Variants in ATP2B4 observed in about 807,000 individuals in gnomAD.
The protein encoded by ATP2B4 is ATPase plasma membrane Ca2+ transporting 4.
Under a neutral mutation model 110.3 loss-of-function variants are expected in ATP2B4, and 39 were observed. The ratio of observed to expected loss-of-function variants is 0.35; its 90% CI spans 0.27 to 0.46. The LOEUF (loss-of-function observed/expected upper bound fraction) is 0.46. Ranked by LOEUF, ATP2B4 falls within the 20% of genes least tolerant of loss-of-function variation. The pLI is 1.00. For synonymous variants in ATP2B4, 538 were observed against 571.7 expected (o/e 0.94, Z 0.84); for missense variants, 1,135 against 1,530.9 (o/e 0.74, Z 4.32).
At chr1:203,729,274 C>T (rs575232397) in intron 20 of ATP2B4, among the ~76,000 whole-genome samples, 12 of 151,060 alleles carry the variant, frequency 7.9e-5, no homozygotes, top group African/African-American at 2.7e-4. Context: ...AGGCCGGGTG[C>T]GGTGGCTCAC....
Position 203,707,883 on chromosome 1 carries a change from C to A in ATP2B4, c.1336C>A (p.Leu446Ile). ...GTAGAAAATGATGAAAGACAATAAC[C>A]TAGTACGGCACTTGGATGCTTGTGA... ...SVKKMMKDNN[L>I]VRHLDACETM... The change falls in exon 10 of 21, where the codon CTA becomes ATA. Residue 446 changes from leucine to isoleucine, a missense_variant. By Grantham distance (5) the Leu-to-Ile change is conservative. Around this residue, in one of 9 missense-constraint regions of ATP2B4, gnomAD observed 368 missense variants for 455.9 expected, o/e 0.81. Coordinates refer to ENST00000357681, the MANE Select transcript of ATP2B4 (RefSeq NM_001684.5). The A allele has an allele frequency of 6.2e-7, 1 of 1,614,144 alleles. No homozygotes were observed. Among genetic ancestry groups the A allele is most frequent in the Non-Finnish European group, 8.5e-7 (1 of 1,180,018 alleles).
At chr1:203,657,835 C>T (rs1558019230) in intron 1 of ATP2B4, 1 of 465,380 alleles carries the variant, frequency 2.1e-6, no homozygotes, top group Non-Finnish European at 3.8e-6. Flanking sequence ...CTCAGAGACT[C>T]CACGCAGGCC....
chr1:203,718,209 A>C (rs1392604967), intron 15 of ATP2B4, among the ~76,000 whole-genome samples: 1 of 151,978 alleles, frequency 6.6e-6, no homozygotes. Flanking sequence ...TTTTAGAAGA[A>C]ATAATAATTT....
intron 20 of ATP2B4, chr1:203,733,104 C>A: frequency 1.1e-6 from 1 of 946,984 alleles, no homozygotes; most frequent in Non-Finnish European, 1.5e-6. Context: ...CTCCTGTCCC[C>A]TTTTCCCATC....
At chr1:203,653,343 G>A (rs572081254) in intron 1 of ATP2B4, among the ~76,000 whole-genome samples, 102 of 152,348 alleles carry the variant, frequency 6.7e-4, no homozygotes, top group Non-Finnish European at 1.1e-3. Flanking sequence ...TCTCCACAAC[G>A]TAAAGGTGAA....
intron 20 of ATP2B4, among the ~76,000 whole-genome samples, chr1:203,736,267 C>A (rs904833082): frequency 1.3e-5 from 2 of 152,130 alleles, no homozygotes; most frequent in African/African-American, 4.8e-5. Flanking sequence ...GAGTTCGAGA[C>A]CAGCCTGGCC....
At chr1:203,642,250 TA>T (rs112746637) in intron 1 of ATP2B4, among the ~76,000 whole-genome samples, 1 of 151,732 alleles carries the variant, frequency 6.6e-6, no homozygotes, top group Non-Finnish European at 1.5e-5. Flanking sequence ...CCCAGCAAAT[TA>T]AAAAAAAATT....
At chr1:203,721,457 T>C (rs1271726528) in intron 17 of ATP2B4, 47 bp downstream of exon 17, 9 of 1,576,158 alleles carry the variant, frequency 5.7e-6, no homozygotes, top group Non-Finnish European at 7.8e-6. Flanking sequence ...TGGTTGGAGG[T>C]GGGGGCAGAG....
At chr1:203,722,074 C>A (rs995940139) in intron 17 of ATP2B4, among the ~76,000 whole-genome samples, 2 of 152,144 alleles carry the variant, frequency 1.3e-5, no homozygotes, top group African/African-American at 4.8e-5. Flanking sequence ...GTCTTACTAC[C>A]ATGCTGCACT....
intron 1 of ATP2B4, among the ~76,000 whole-genome samples, chr1:203,662,185 G>A (rs4611086): frequency 0.72 from 109,029 of 151,956 alleles, 43,500 homozygotes; most frequent in Non-Finnish European, 0.9. Flanking sequence ...CACCACGCCC[G>A]ACTAATTTCT....
chr1:203,699,812 C>A, intron 4 of ATP2B4, 95 bp downstream of exon 4: 1 of 1,531,374 alleles, frequency 6.5e-7, no homozygotes, highest in Non-Finnish European at 8.8e-7. Flanking sequence ...GCTGAAAACC[C>A]AAAAAGATAA....
In ATP2B4 at chr1:203,698,327, T is replaced by A. The variant is rs144377803; in HGVS notation, c.364T>A (p.Tyr122Asn). Residue 122 changes from tyrosine to asparagine, a missense_variant, in exon 3 of 21, where the codon TAT becomes AAT. Tyr to Asn is a moderately radical substitution (Grantham distance 143, BLOSUM62 -2). Transcript: ENST00000357681. ...CATCATCTCCCTGGTCCTGTCCTTT[T>A]ATCGCCCTGCTGGTGAAGAAAATGA... Reference protein sequence around the residue: ...AAIISLVLSFYRPAGEENELC... With the variant: ...AAIISLVLSFNRPAGEENELC... 1 of 1,614,172 alleles carries A rather than the reference T, an allele frequency of 6.2e-7. No homozygotes were observed. The highest frequency in any genetic ancestry group is 2.2e-5 in the East Asian group (1 of 44,884).
intron 20 of ATP2B4, among the ~76,000 whole-genome samples, chr1:203,732,157 CA>C (rs567953858): frequency 0.043 from 2,048 of 48,118 alleles, 27 homozygotes; most frequent in African/African-American, 0.11. Flanking sequence ...GCCTGGGTGT[CA>C]AAAAAAAAAA....
At chr1:203,640,399 C>G (rs1376324596) in intron 1 of ATP2B4, among the ~76,000 whole-genome samples, 2 of 152,186 alleles carry the variant, frequency 1.3e-5, no homozygotes, top group Non-Finnish European at 2.9e-5. Context: ...CTCACTGCAA[C>G]CTCAACTTCC....
chr1:203,720,747 G>T lies in ATP2B4; in HGVS notation c.2598+7G>T. The T allele has an allele frequency of 6.2e-7, 1 of 1,608,416 alleles. No individual in the cohort carries two copies. Among genetic ancestry groups the T allele is most frequent in the African/African-American group, 1.3e-5 (1 of 74,970 alleles). ...TGGAGCCTGTATCACTCAGGTGAAGGGGGTGTGGGTGGGCTGAGACGGGAG... is the reference window on the plus strand; with the variant it reads ...TGGAGCCTGTATCACTCAGGTGAAGTGGGTGTGGGTGGGCTGAGACGGGAG... On this transcript the variant is annotated splice_region_variant and intron_variant, in intron 16 of 20. Transcript: ENST00000357681.
intron 1 of ATP2B4, among the ~76,000 whole-genome samples, chr1:203,641,270 C>G (rs1291302831): frequency 6.6e-6 from 1 of 152,216 alleles, no homozygotes; most frequent in African/African-American, 2.4e-5. Flanking sequence ...AACTCGGTCT[C>G]TCAGTCCAAA....
Position 203,647,623 on chromosome 1 carries a change from G to T in ATP2B4, c.-465+20404G>T, listed in dbSNP as rs890891166. Among the ~76,000 whole-genome samples, 117 of 152,174 alleles carry T rather than the reference G, an allele frequency of 7.7e-4. 2 individuals carry two copies. The highest frequency in any genetic ancestry group is 4.4e-4 in the Non-Finnish European group (30 of 68,008). The stretch of plus-strand genomic sequence containing the variant: ...AAAGTATGAAAATTAGCTGAGCGTG[G>T]TAGTGCATGTCTGTGGTCTCAGTTA... On this transcript the variant is annotated intron_variant, in intron 1 of 20. Transcript: ENST00000357681.
At position 203,629,571 on chromosome 1, in the gene ATP2B4, C is replaced by A. The variant is rs1663198437; in HGVS notation, c.-465+2352C>A. Among the ~76,000 whole-genome samples, 1 of 152,156 alleles carries A rather than the reference C, an allele frequency of 6.6e-6. No homozygotes were observed. Among genetic ancestry groups the A allele is most frequent in the Non-Finnish European group, 1.5e-5 (1 of 68,022 alleles). ...CGCAGTCTCAGCCCTTCCCCCGGGG[C>A]TCGGGGCAGGATTGACTGCGCAACC... On this transcript the variant is annotated intron_variant, in intron 1 of 20. Coordinates refer to ENST00000357681, the MANE Select transcript of ATP2B4 (RefSeq NM_001684.5). This position sits in a 1 kb window ranked among gnomAD's most constrained non-coding sequence, Gnocchi z 4.6.
At chr1:203,720,522 A>C in intron 15 of ATP2B4, 27 bp from the exon 16 acceptor site, 2 of 1,576,266 alleles carry the variant, frequency 1.3e-6, no homozygotes, top group Non-Finnish European at 1.7e-6. Flanking sequence ...CCACTCCCTC[A>C]CTGTTTTCCC....
Sources: gnomAD v4.1 joint callset for allele counts (sites outside exome capture counted in the v4.1 genomes callset) on GRCh38, gnomAD v4.1.1 for gene constraint, gnomAD v4.1.1 regional missense constraint, Gnocchi (gnomAD v3.1) non-coding constraint, MANE v1.5 for transcripts, NCBI Gene and HGNC (gene_info 2026-07-23, HGNC 2026-07-21) for gene names.